The following PLD5 variants were observed in gnomAD, a reference collection of about 807,000 sequenced individuals.
PLD5 encodes the protein phospholipase D family member 5.
Under a neutral mutation model 61.1 loss-of-function variants are expected in PLD5, and 36 were observed. The ratio of observed to expected loss-of-function variants is 0.59; its 90% CI spans 0.45 to 0.78. The LOEUF is 0.78. PLD5 is among the 30% of genes least tolerant of loss of function. PLD5 has a pLI of 0.00. For missense variants in PLD5, 515 were observed against 644.4 expected (o/e 0.80, Z 2.17); for synonymous variants, 243 against 242.8 (o/e 1.00, Z -0.01).
intron 4 of PLD5, chr1:242,236,024 G>A (rs569823880): frequency 1.3e-5 from 2 of 152,242 alleles, no homozygotes; most frequent in East Asian, 1.9e-4. Context: ...TAGGTGCCAC[G>A]GTCTGAACAT....
At chr1:242,320,503 C>T (rs1285161815) in intron 2 of PLD5, among the ~76,000 whole-genome samples, 36 of 152,166 alleles carry the variant, frequency 2.4e-4, no homozygotes, top group African/African-American at 8.7e-4. Flanking sequence ...TTGCCCAGAG[C>T]AAGCAACTGA....
chr1:242,257,742 GACTT>G (rs563660835), intron 4 of PLD5, among the ~76,000 whole-genome samples: 105 of 152,122 alleles, frequency 6.9e-4, no homozygotes, highest in Admixed American at 1.2e-3. Flanking sequence ...AAATATATGT[GACTT>G]ACTTTTCAGA....
intron 1 of PLD5, among the ~76,000 whole-genome samples, chr1:242,400,224 A>G (rs1663847238): frequency 6.6e-6 from 1 of 151,876 alleles, no homozygotes. Flanking sequence ...CTGAAGTGGA[A>G]CAGTTTCATC....
intron 1 of PLD5, among the ~76,000 whole-genome samples, chr1:242,409,938 C>A (rs1259065053): frequency 6.6e-6 from 1 of 152,170 alleles, no homozygotes; most frequent in Non-Finnish European, 1.5e-5. Flanking sequence ...TCAAAGGTTG[C>A]CGGCCGGCTA....
At chr1:242,141,750 G>A (rs148514320) in intron 5 of PLD5, among the ~76,000 whole-genome samples, 52 of 152,212 alleles carry the variant, frequency 3.4e-4, no homozygotes, top group African/African-American at 1.2e-3. Flanking sequence ...GAGAAGGGAA[G>A]GGGAAAGCTA....
chr1:242,424,903 G>A (rs947548206), intron 1 of PLD5, among the ~76,000 whole-genome samples: 4 of 152,240 alleles, frequency 2.6e-5, no homozygotes, highest in African/African-American at 7.2e-5. Flanking sequence ...AGGTCAAGAC[G>A]GGTAGATCAC....
chr1:242,416,025 G>T (rs1386250037), intron 1 of PLD5, among the ~76,000 whole-genome samples: 1 of 151,948 alleles, frequency 6.6e-6, no homozygotes, highest in African/African-American at 2.4e-5. Context: ...ACACTCAGAA[G>T]AACTGATGTT....
intron 1 of PLD5, among the ~76,000 whole-genome samples, chr1:242,374,573 C>G (rs928096486): frequency 6.6e-6 from 1 of 152,144 alleles, no homozygotes; most frequent in Non-Finnish European, 1.5e-5. Context: ...AAAAATATTA[C>G]TATAACGTTC....
At chr1:242,421,968 A>C (rs897810168) in intron 1 of PLD5, among the ~76,000 whole-genome samples, 1 of 152,206 alleles carries the variant, frequency 6.6e-6, no homozygotes, top group Non-Finnish European at 1.5e-5. Context: ...TAAAAGCAAA[A>C]TAAAATTCAA....
At chr1:242,431,546 C>T (rs1665720677) in intron 1 of PLD5, among the ~76,000 whole-genome samples, 1 of 152,198 alleles carries the variant, frequency 6.6e-6, no homozygotes, top group South Asian at 2.1e-4. Context: ...CACCATGATC[C>T]TGCTATATTT....
At chr1:242,264,371 C>T (rs1574633573) in intron 4 of PLD5, among the ~76,000 whole-genome samples, 1 of 152,262 alleles carries the variant, frequency 6.6e-6, no homozygotes, top group South Asian at 2.1e-4. Flanking sequence ...GGTACATGTG[C>T]ATGGCCAAGC....
chr1:242,529,529 G>C (rs1253949383), upstream of PLD5, among the ~76,000 whole-genome samples: 5 of 152,034 alleles, frequency 3.3e-5, no homozygotes, highest in Non-Finnish European at 7.4e-5. Flanking sequence ...AGGACCAAGG[G>C]GCAACACTAT....
intron 3 of PLD5, among the ~76,000 whole-genome samples, chr1:242,276,774 G>A (rs2149121226): frequency 6.6e-6 from 1 of 152,110 alleles, no homozygotes; most frequent in Admixed American, 6.6e-5. Context: ...CTTGAAACCA[G>A]TGGAGAGTAT....
intron 2 of PLD5, among the ~76,000 whole-genome samples, chr1:242,305,271 T>G (rs1044256978): frequency 2.6e-5 from 4 of 152,234 alleles, no homozygotes; most frequent in Non-Finnish European, 5.9e-5. Context: ...TGCTGTGTGT[T>G]CCAGCGTCCT....
intron 1 of PLD5, among the ~76,000 whole-genome samples, chr1:242,498,059 G>A (rs1347243925): frequency 6.6e-6 from 1 of 152,122 alleles, no homozygotes; most frequent in Non-Finnish European, 1.5e-5. Flanking sequence ...CCACCTCCCG[G>A]GTTTAAGCAA....
chr1:242,182,990 C>T (rs1312771315), intron 5 of PLD5, among the ~76,000 whole-genome samples: 1 of 152,306 alleles, frequency 6.6e-6, no homozygotes, highest in East Asian at 1.9e-4. Context: ...GATATAATTT[C>T]CACTAACTCC....
chr1:242,297,679 C>CCGGACTG (rs1675780965), intron 2 of PLD5, among the ~76,000 whole-genome samples: 1 of 139,406 alleles, frequency 7.2e-6, no homozygotes, highest in African/African-American at 2.7e-5. Context: ...GTCGCCCAGG[C>CCGGACTG]CGGACTGCGG....
intron 1 of PLD5, among the ~76,000 whole-genome samples, chr1:242,452,911 A>G (rs1431227161): frequency 2.0e-5 from 3 of 152,124 alleles, no homozygotes; most frequent in Non-Finnish European, 4.4e-5. Flanking sequence ...AAATCCAGGT[A>G]CAACAGTGAA....
intron 1 of PLD5, among the ~76,000 whole-genome samples, chr1:242,395,877 G>C (rs958251177): frequency 6.6e-6 from 1 of 152,050 alleles, no homozygotes; most frequent in East Asian, 1.9e-4. Flanking sequence ...GTGAAGCCCC[G>C]TCTCTACTAA....
Sources: gnomAD v4.1 joint callset for allele counts (sites outside exome capture counted in the v4.1 genomes callset) on GRCh38, gnomAD v4.1.1 for gene constraint, MANE v1.5 for transcripts, NCBI Gene and HGNC (gene_info 2026-07-23, HGNC 2026-07-21) for gene names.